Variants in CRTAC1 observed in about 807,000 individuals in gnomAD.
The protein encoded by CRTAC1 is cartilage acidic protein 1, also known as acidic secreted protein in cartilage.
Under a neutral mutation model 67.8 loss-of-function variants are expected in CRTAC1, and 37 were observed. The ratio of observed to expected loss-of-function variants is 0.55; its 90% CI spans 0.42 to 0.72. The LOEUF (loss-of-function observed/expected upper bound fraction) is 0.72. CRTAC1 is among the 30% of genes least tolerant of loss of function. The probability of loss-of-function intolerance (pLI) is 0.00; values close to 1 mark genes in which losing one functional copy is unlikely to be tolerated. For synonymous variants in CRTAC1, 348 were observed against 371.0 expected, an observed-to-expected ratio of 0.94 and a Z score of 0.71; for missense variants, 780 against 931.6, an observed-to-expected ratio of 0.84 and a Z score of 2.12.
intron 8 of CRTAC1, among the ~76,000 whole-genome samples, chr10:97,897,646 G>C (rs2050480208): frequency 6.6e-6 from 1 of 152,216 alleles, no homozygotes; most frequent in Non-Finnish European, 1.5e-5. Context: ...GTCCCTTTGG[G>C]TTGCAGCGGT....
chr10:98,020,784 T>C (rs1401517493), intron 1 of CRTAC1, among the ~76,000 whole-genome samples: 2 of 151,834 alleles, frequency 1.3e-5, no homozygotes, highest in South Asian at 2.1e-4. Context: ...GGACACCTGG[T>C]GGGAAGGAGT....
intron 3 of CRTAC1, among the ~76,000 whole-genome samples, chr10:97,924,357 G>A (rs1268251194): frequency 6.6e-6 from 1 of 152,204 alleles, no homozygotes; most frequent in Non-Finnish European, 1.5e-5. Flanking sequence ...GGAAACACAG[G>A]GAGAGGAGCA....
chr10:97,965,052 T>C (rs2051593091), intron 2 of CRTAC1, among the ~76,000 whole-genome samples: 1 of 152,128 alleles, frequency 6.6e-6, no homozygotes, highest in Non-Finnish European at 1.5e-5. Context: ...GTGACGCTGA[T>C]GGGCTGGCTG....
chr10:97,998,993 A>C (rs1842637379), intron 2 of CRTAC1, among the ~76,000 whole-genome samples: 1 of 152,258 alleles, frequency 6.6e-6, no homozygotes, highest in Non-Finnish European at 1.5e-5. Context: ...GGGTAAAAAA[A>C]AAATGGGATT....
chr10:97,867,225 A>G (rs2050038170), intron 14 of CRTAC1: 2 of 152,398 alleles, frequency 1.3e-5, no homozygotes, highest in South Asian at 4.1e-4. Flanking sequence ...GGGGAAAGGC[A>G]AACTCCCTCC....
At position 97,927,221 on chromosome 10, in the gene CRTAC1, C is replaced by T. The variant is rs529753645; in HGVS notation, c.422-3821G>A. Among the ~76,000 whole-genome samples the T allele has an allele frequency of 1.1e-4, 16 of 152,226 alleles. No homozygotes were observed. The East Asian group carries it at 1.5e-3, about 15-fold the overall frequency. On this transcript the variant is annotated intron_variant, in intron 3 of 14. Transcript: ENST00000370597. ...CACCTCCAGTTCCTCCTGTCCATCC[C>T]GAGCAACATTTCCCAAAGAGTGCTT...
intron 8 of CRTAC1, among the ~76,000 whole-genome samples, chr10:97,897,899 C>T (rs2050483753): frequency 6.6e-6 from 1 of 152,198 alleles, no homozygotes; most frequent in East Asian, 1.9e-4. Flanking sequence ...ATGTGAGAAA[C>T]ACCAGAGGGC....
At chr10:97,872,992 G>A (rs1055831788) in intron 14 of CRTAC1, among the ~76,000 whole-genome samples, 1 of 152,170 alleles carries the variant, frequency 6.6e-6, no homozygotes, top group African/African-American at 2.4e-5. Context: ...GAGGTTAAAC[G>A]TCCTGGCACA....
rs201919687 is a variant in CRTAC1, at chr10:97,895,231, G to A, written c.1486+14C>T. 4.0e-5 allele frequency: 64 copies of A among 1,606,346 alleles called. No homozygotes were observed. Among genetic ancestry groups the A allele is most frequent in the Admixed American group, 2.3e-4 (14 of 59,910 alleles). On this transcript the variant is annotated intron_variant, in intron 11 of 14. Coordinates refer to ENST00000370597, the MANE Select transcript of CRTAC1 (RefSeq NM_018058.7). This position sits in a 1 kb window ranked among gnomAD's most constrained non-coding sequence, Gnocchi z 4.2. Reference sequence around the variant, plus strand: ...TGATAACAGCTCACTGTCCCCCACCGGACCCCGACTCACCCAGGCCAAAGT... The same window carrying A: ...TGATAACAGCTCACTGTCCCCCACCAGACCCCGACTCACCCAGGCCAAAGT...
intron 1 of CRTAC1, among the ~76,000 whole-genome samples, chr10:98,013,929 C>G (rs1433746386): frequency 3.3e-5 from 5 of 152,172 alleles, no homozygotes; most frequent in Non-Finnish European, 7.3e-5. Flanking sequence ...CCCATGAGAC[C>G]AGGGAGAGAG....
At chr10:97,948,030 G>A (rs1460059241) in intron 2 of CRTAC1, among the ~76,000 whole-genome samples, 1 of 151,656 alleles carries the variant, frequency 6.6e-6, no homozygotes, top group South Asian at 2.1e-4. Context: ...TATGCATGAA[G>A]GATTGGCCAA....
chr10:97,907,524 G>C (rs1023261950), intron 6 of CRTAC1, among the ~76,000 whole-genome samples: 16 of 137,828 alleles, frequency 1.2e-4, no homozygotes, highest in African/African-American at 3.8e-4. Context: ...GTCTACATCT[G>C]TTTCTAGAAA....
chr10:97,921,905 T>C (rs2050844942), intron 4 of CRTAC1, among the ~76,000 whole-genome samples: 1 of 151,726 alleles, frequency 6.6e-6, no homozygotes, highest in African/African-American at 2.4e-5. Flanking sequence ...GGTCATCTTT[T>C]TTTTTTTTTT....
At chr10:97,948,613 A>G (rs1327990737) in intron 2 of CRTAC1, among the ~76,000 whole-genome samples, 1 of 152,164 alleles carries the variant, frequency 6.6e-6, no homozygotes, top group African/African-American at 2.4e-5. Flanking sequence ...AGTGTCATGT[A>G]CCAGCTGATG....
At chr10:98,016,333 G>A (rs553341786) in intron 1 of CRTAC1, among the ~76,000 whole-genome samples, 57 of 152,280 alleles carry the variant, frequency 3.7e-4, no homozygotes, top group Admixed American at 9.2e-4. Context: ...TTAAGTAAGC[G>A]CGGGAATGAG....
chr10:97,896,220 G>T (rs984289892), intron 9 of CRTAC1, among the ~76,000 whole-genome samples: 1 of 152,148 alleles, frequency 6.6e-6, no homozygotes, highest in African/African-American at 2.4e-5. Flanking sequence ...CATGGAGAGG[G>T]TGTGTGCAAA....
intron 5 of CRTAC1, 150 bp from the exon 6 acceptor site, chr10:97,908,297 C>CT: frequency 1.3e-6 from 1 of 778,136 alleles, no homozygotes; most frequent in African/African-American, 1.8e-5. Context: ...TTTCCTGAGC[C>CT]TAAATCTGGG....
In CRTAC1 at chr10:97,964,800, A is replaced by C. The variant is rs770883943; in HGVS notation, c.225-28434T>G. On this transcript the variant is annotated intron_variant, in intron 2 of 14. Coordinates refer to ENST00000370597, the MANE Select transcript of CRTAC1 (RefSeq NM_018058.7). ...CATCATTTACCTTGATGTTCCTGAA[A>C]TGATCAGTCTTTAAAACCAAAGTAA... 1.8e-4 allele frequency among the ~76,000 whole-genome samples: 27 copies of C among 152,186 alleles called. 1 individual carries two copies. The highest frequency in any genetic ancestry group is 9.2e-4 in the Admixed American group (14 of 15,282).
At chr10:98,013,641 G>T (rs551996217) in intron 1 of CRTAC1, among the ~76,000 whole-genome samples, 1 of 152,066 alleles carries the variant, frequency 6.6e-6, no homozygotes, top group Non-Finnish European at 1.5e-5. Flanking sequence ...GTTCTCTAAA[G>T]GTCCTTTCTG....
Sources: allele counts gnomAD v4.1 joint callset (sites outside exome capture counted in the v4.1 genomes callset), GRCh38; gene constraint gnomAD v4.1.1; non-coding constraint Gnocchi (gnomAD v3.1); transcripts MANE v1.5; gene names NCBI Gene and HGNC (gene_info 2026-07-23, HGNC 2026-07-21).